The following RIF1 variants were observed in gnomAD, a reference collection of about 807,000 sequenced individuals.
RIF1 encodes the protein replication timing regulatory factor 1.
RIF1 carries 45 observed loss-of-function variants against 247.1 expected under a neutral mutation model. The ratio of observed to expected loss-of-function variants is 0.18; its 90% CI spans 0.14 to 0.23. The LOEUF is 0.23. RIF1 is among the 10% of genes least tolerant of loss of function. RIF1 has a pLI of 1.00. For synonymous variants in RIF1, 1,087 were observed against 978.8 expected (o/e 1.11, Z -2.06); for missense variants, 2,967 against 2,862.5 (o/e 1.04, Z -0.83).
At position 151,499,383 on chromosome 2, in the gene RIF1, T is replaced by C. The variant is rs760518682; in HGVS notation, c.*552T>C. 18 of 1,530,014 alleles carry C rather than the reference T, an allele frequency of 1.2e-5. No homozygotes were observed. In the South Asian group the frequency reaches 1.7e-4, roughly 14 times the overall value. 94.8% of individuals were successfully genotyped at this position (1,530,014 alleles called of 1,614,324 possible). On this transcript the variant is annotated 3_prime_UTR_variant and NMD_transcript_variant, in exon 11 of 14. Coordinates refer to the RIF1 transcript ENST00000454583. Reference sequence around the variant, plus strand: ...AATCCCTTTTCCAACGTTTTCTTTATACAACACCTGTATGACACAAGAAAG... The same window carrying C: ...AATCCCTTTTCCAACGTTTTCTTTACACAACACCTGTATGACACAAGAAAG...
At chr2:151,424,101 A>G (rs1688609397) in intron 8 of RIF1, among the ~76,000 whole-genome samples, 1 of 152,090 alleles carries the variant, frequency 6.6e-6, no homozygotes, top group South Asian at 2.1e-4. Context: ...ACTAAGCATA[A>G]AGTTTTTTTA....
chr2:151,435,008 G>T (rs1167902473), intron 10 of RIF1, among the ~76,000 whole-genome samples: 1 of 152,002 alleles, frequency 6.6e-6, no homozygotes, highest in Non-Finnish European at 1.5e-5. Context: ...TTGAAGATGG[G>T]CATTGTCAAC....
At chr2:151,468,174 A>G (rs754855518) in intron 31 of RIF1, 28 bp downstream of exon 31, 23 of 1,560,408 alleles carry the variant, frequency 1.5e-5, no homozygotes, top group Non-Finnish European at 2.0e-5. Context: ...AAATATACAT[A>G]TATGTATACC....
At chr2:151,514,539 T>G in the RIF1 span, 1 of 852,732 alleles carries the variant, frequency 1.2e-6, no homozygotes, top group Non-Finnish European at 2.0e-6. Context: ...CACAGTTTAG[T>G]AAGTAAAAAT....
At chr2:151,516,505 G>C in the RIF1 span, 1 of 1,613,588 alleles carries the variant, frequency 6.2e-7, no homozygotes, top group South Asian at 1.1e-5. Context: ...GTACGTTGGT[G>C]TTTCAAAGTC....
chr2:151,531,284 CACA>C, the RIF1 span, among the ~76,000 whole-genome samples: 6 of 149,178 alleles, frequency 4.0e-5, no homozygotes, highest in African/African-American at 9.8e-5. Context: ...CCAGTTTGGT[CACA>C]ACAACTCTCT....
rs1036091009 is a variant in RIF1, at chr2:151,478,349, G to T, written c.*3278G>T. The T allele has an allele frequency of 6.6e-6, 1 of 152,166 alleles. No individual in the cohort carries two copies. Among genetic ancestry groups the T allele is most frequent in the African/African-American group, 2.4e-5 (1 of 41,448 alleles). The allele number at this position is 152,166 out of a possible 1,614,324, so 9.4% of individuals were successfully genotyped here. A position where few individuals can be genotyped will look rare whatever the true frequency, so the allele number is the denominator to read the frequency against. The stretch of plus-strand genomic sequence containing the variant: ...AAAAATACAAAAACCAGCCAGGCAT[G>T]TTGGCGCATACTTGTAATCTCAGCT... On this transcript the variant is annotated 3_prime_UTR_variant, in exon 36 of 36. Transcript: ENST00000444746.
chr2:151,453,178 A>T (rs1558994049), intron 21 of RIF1, among the ~76,000 whole-genome samples: 1 of 151,712 alleles, frequency 6.6e-6, no homozygotes, highest in Non-Finnish European at 1.5e-5. Flanking sequence ...CTCCCCCCAG[A>T]ATATACATTT....
chr2:151,464,742 C>G lies in RIF1; in HGVS notation c.5222C>G (p.Pro1741Arg). The change falls in exon 30 of 36, where the codon CCT becomes CGT. Residue 1741 changes from proline to arginine, a missense_variant. Pro to Arg is a moderately radical substitution (Grantham distance 103). This residue lies in a region of RIF1 where 2,028 missense variants were observed against 1,825.6 expected (regional missense o/e 1.11). Coordinates refer to ENST00000444746, the MANE Select transcript of RIF1 (RefSeq NM_018151.5). Reference protein sequence around the residue: ...GCDCCGEKSQPQEKSLIGLKN... With the variant: ...GCDCCGEKSQRQEKSLIGLKN... ...GATTGCTGTGGGGAAAAATCACAAC[C>G]TCAGGAAAAGTCACTCATTGGGTTA... 6.2e-7 allele frequency: 1 copy of G among 1,613,440 alleles called. No individual in the cohort carries two copies. Among genetic ancestry groups the G allele is most frequent in the South Asian group, 1.1e-5 (1 of 90,936 alleles).
At chr2:151,470,314 A>G (rs764894824) in intron 34 of RIF1, among the ~76,000 whole-genome samples, 2 of 152,142 alleles carry the variant, frequency 1.3e-5, no homozygotes, top group African/African-American at 2.4e-5. Context: ...TATATAGAAA[A>G]TTTTGTATAT....
chr2:151,468,534 A>G lies in RIF1; in HGVS notation c.6808A>G (p.Ser2270Gly). ...AGGATCACGTAGCCCTAAATTTAAG[A>G]GCTCAAAGAAGTGTTTAGTAAGAAG... is the stretch of plus-strand genomic sequence containing the variant. Reference protein sequence around the residue: ...SPGSRSPKFKSSKKCLISEMA... With the variant: ...SPGSRSPKFKGSKKCLISEMA... Residue 2270 changes from serine (S) to glycine (G), a missense_variant, in exon 32 of 36, where the codon AGC (serine) becomes GGC (glycine). Physicochemically the swap from Ser to Gly is moderately conservative, Grantham distance 56. Around this residue, in one of 7 missense-constraint regions of RIF1, gnomAD observed 2,028 missense variants for 1,825.6 expected, o/e 1.11. Transcript: ENST00000444746. 2 of 1,613,098 alleles carry G rather than the reference A, an allele frequency of 1.2e-6. No individual in the cohort carries two copies. Among genetic ancestry groups the G allele is most frequent in the Non-Finnish European group, 1.7e-6 (2 of 1,179,094 alleles).
At chr2:151,501,299 T>TTGA (rs1390489996) in intron 11 of RIF1, 2 of 834,388 alleles carry the variant, frequency 2.4e-6, no homozygotes, top group Non-Finnish European at 3.8e-6. Context: ...TTTTGTTAAA[T>TTGA]TGATTATTAT....
At chr2:151,470,631 G>C (rs920255422) in intron 34 of RIF1, among the ~76,000 whole-genome samples, 2 of 152,074 alleles carry the variant, frequency 1.3e-5, no homozygotes, top group Non-Finnish European at 2.9e-5. Context: ...ACCTGTATCA[G>C]AAGTTTTGAA....
At chr2:151,489,575 T>C (rs943285666) in intron 9 of RIF1, among the ~76,000 whole-genome samples, 2 of 152,246 alleles carry the variant, frequency 1.3e-5, no homozygotes, top group Admixed American at 1.3e-4. Flanking sequence ...TTTTTGGTTT[T>C]TAGTAGAGAT....
chr2:151,466,246 A>C, intron 30 of RIF1, 126 bp downstream of exon 30: 3 of 628,632 alleles, frequency 4.8e-6, no homozygotes. Flanking sequence ...TATTTACCAT[A>C]ATGGTTGCTA....
the RIF1 span, chr2:151,532,198 G>T: frequency 4.4e-6 from 1 of 227,918 alleles, no homozygotes; most frequent in Non-Finnish European, 8.7e-6. Context: ...CCAGATTCAA[G>T]CAATTCTTCT....
In RIF1 at chr2:151,464,462, A is replaced by G. The variant is rs199663670; in HGVS notation, c.4942A>G (p.Asn1648Asp). ...GTTGCAAGTTCCTGATGATTTACCA[A>G]ATGTGTGTGAGGAAAAAAATGAAAC... ...DLLQVPDDLP[N>D]VCEEKNETSK... is the part of the protein sequence containing the mutation. The change falls in exon 30 of 36, where the codon AAT (asparagine) becomes GAT (aspartate). Residue 1648 changes from asparagine (N) to aspartate (D), a missense_variant. Around this residue, in one of 7 missense-constraint regions of RIF1, gnomAD observed 2,028 missense variants for 1,825.6 expected, o/e 1.11. Transcript: ENST00000444746. 177 of 1,613,572 alleles carry G rather than the reference A, an allele frequency of 1.1e-4. No homozygotes were observed. The highest frequency in any genetic ancestry group is 1.2e-4 in the Non-Finnish European group (142 of 1,179,890).
intron 19 of RIF1, 138 bp downstream of exon 19, chr2:151,445,583 G>A (rs1251351612): frequency 4.7e-6 from 3 of 632,112 alleles, no homozygotes; most frequent in Non-Finnish European, 8.3e-6. Context: ...GTCTCACATT[G>A]TCGTCCAGGC....
the RIF1 span, among the ~76,000 whole-genome samples, chr2:151,523,039 CAAT>C: frequency 2.6e-5 from 4 of 152,232 alleles, no homozygotes; most frequent in South Asian, 2.1e-4. Context: ...TTTTCAAAAA[CAAT>C]AAAGTTTTCA....
Sources: allele counts gnomAD v4.1 joint callset (sites outside exome capture counted in the v4.1 genomes callset), GRCh38; gene constraint gnomAD v4.1.1; regional missense constraint gnomAD v4.1.1; transcripts MANE v1.5; gene names NCBI Gene and HGNC (gene_info 2026-07-23, HGNC 2026-07-21).